The following NAV3 variants were observed in gnomAD, a reference collection of about 807,000 sequenced individuals.
NAV3 encodes the protein pore membrane and/or filament interacting like protein 1.
NAV3 carries 87 observed loss-of-function variants against 244.7 expected under a neutral mutation model. The ratio of observed to expected loss-of-function variants is 0.36; its 90% CI spans 0.30 to 0.42. NAV3 has a LOEUF of 0.42. Ranked by LOEUF, NAV3 falls within the 20% of genes least tolerant of loss-of-function variation. The pLI is 1.00. For missense variants in NAV3, 2,663 were observed against 2,893.3 expected (o/e 0.92, Z 1.83); for synonymous variants, 1,126 against 1,042.2 (o/e 1.08, Z -1.55).
intron 26 of NAV3, 71 bp from the exon 27 acceptor site, chr12:78,177,070 A>G (rs1356449452): frequency 6.4e-6 from 10 of 1,568,308 alleles, no homozygotes; most frequent in Admixed American, 1.7e-5. Context: ...GGCATCTGCA[A>G]ACTAACGCCC....
chr12:77,896,740 C>A (rs1327277341), intron 1 of NAV3, among the ~76,000 whole-genome samples: 1 of 152,144 alleles, frequency 6.6e-6, no homozygotes, highest in Non-Finnish European at 1.5e-5. Flanking sequence ...TCACTCAGCT[C>A]CAGTTGATGG....
At chr12:77,925,781 T>C (rs943426941) in intron 1 of NAV3, among the ~76,000 whole-genome samples, 3 of 152,264 alleles carry the variant, frequency 2.0e-5, no homozygotes, top group African/African-American at 7.2e-5. Flanking sequence ...TACATAATTG[T>C]GTATGAGTGG....
chr12:77,864,450 A>G (rs895272597), intron 1 of NAV3, among the ~76,000 whole-genome samples: 1 of 151,940 alleles, frequency 6.6e-6, no homozygotes, highest in Non-Finnish European at 1.5e-5. Flanking sequence ...CCCTGGTGCA[A>G]TAGGATGTAG....
chr12:77,755,716 T>C (rs1297851582), intron 2 of NAV3, among the ~76,000 whole-genome samples: 1 of 150,512 alleles, frequency 6.6e-6, no homozygotes. Context: ...TTCTTTATTT[T>C]CTTTCTCTCT....
chr12:77,684,352 G>A (rs1268701072), intron 2 of NAV3, among the ~76,000 whole-genome samples: 2 of 151,958 alleles, frequency 1.3e-5, no homozygotes, highest in Non-Finnish European at 2.9e-5. Context: ...CTCAGTTTGT[G>A]GGGCTTGCCT....
intron 12 of NAV3, among the ~76,000 whole-genome samples, chr12:78,068,926 C>A (rs1011284940): frequency 6.6e-6 from 1 of 150,966 alleles, no homozygotes; most frequent in African/African-American, 2.4e-5. Context: ...GAAGTTATAT[C>A]TATACATGAA....
intron 12 of NAV3, among the ~76,000 whole-genome samples, chr12:78,092,730 GA>G (rs1954025039): frequency 6.6e-6 from 1 of 151,964 alleles, no homozygotes; most frequent in Non-Finnish European, 1.5e-5. Flanking sequence ...TCGATCTCCT[GA>G]CCTTGTGATC....
chr12:77,767,193 C>A (rs1869822381), intron 2 of NAV3, among the ~76,000 whole-genome samples: 1 of 152,190 alleles, frequency 6.6e-6, no homozygotes, highest in South Asian at 2.1e-4. Flanking sequence ...TAAGTCTTAA[C>A]TTTGATCTTT....
At chr12:77,655,812 TAAAG>T (rs2137010747) in intron 2 of NAV3, among the ~76,000 whole-genome samples, 1 of 152,066 alleles carries the variant, frequency 6.6e-6, no homozygotes, top group African/African-American at 2.4e-5. Flanking sequence ...TCAACATTCT[TAAAG>T]AAAAGAATTT....
At chr12:77,953,410 T>TAC (rs761891665) in intron 3 of NAV3, among the ~76,000 whole-genome samples, 144 of 152,206 alleles carry the variant, frequency 9.5e-4, no homozygotes, top group Non-Finnish European at 1.6e-3. Flanking sequence ...TGTGTATACA[T>TAC]ACACACACAC....
Position 77,733,834 on chromosome 12 carries a change from A to ATTT in NAV3, c.72+161589_72+161591dup, listed in dbSNP as rs56770236. ...GCAAGCCCTAATTGACTTGGTTTAG[A>ATTT]TTTTTTTTTTTTTTTTTTTTTTTGC... On this transcript the variant is annotated intron_variant, in intron 2 of 8. Coordinates refer to the NAV3 transcript ENST00000550042. 7.5e-3 allele frequency among the ~76,000 whole-genome samples: 930 copies of ATTT among 124,158 alleles called. 21 individuals carry two copies. The highest frequency in any genetic ancestry group is 0.027 in the African/African-American group (875 of 32,288). The allele number at this position is 124,158 out of a possible 152,430, so 81.5% of individuals were successfully genotyped here.
At chr12:78,147,290 A>T (rs888412374) in intron 21 of NAV3, among the ~76,000 whole-genome samples, 1 of 152,102 alleles carries the variant, frequency 6.6e-6, no homozygotes, top group Non-Finnish European at 1.5e-5. Flanking sequence ...AAAGCTTCTA[A>T]CACTGATCAT....
chr12:77,974,807 G>A (rs778141859), intron 5 of NAV3, among the ~76,000 whole-genome samples: 19 of 152,110 alleles, frequency 1.2e-4, no homozygotes, highest in Non-Finnish European at 2.6e-4. Flanking sequence ...GGGTTTTGAA[G>A]AGACCAGATG....
At chr12:77,969,376 A>G (rs1442462807) in intron 5 of NAV3, among the ~76,000 whole-genome samples, 1 of 152,144 alleles carries the variant, frequency 6.6e-6, no homozygotes, top group Non-Finnish European at 1.5e-5. Flanking sequence ...ATGATATATA[A>G]CAAGAGATTT....
chr12:77,804,426 G>A (rs2135980476), intron 2 of NAV3, among the ~76,000 whole-genome samples: 1 of 152,202 alleles, frequency 6.6e-6, no homozygotes, highest in South Asian at 2.1e-4. Context: ...ATTAAATAAG[G>A]AATCATTTCC....
At chr12:77,698,726 C>T (rs747607590) in intron 2 of NAV3, among the ~76,000 whole-genome samples, 1 of 152,070 alleles carries the variant, frequency 6.6e-6, no homozygotes, top group Non-Finnish European at 1.5e-5. Flanking sequence ...GATGAGAATA[C>T]GGTTGAGGTA....
In NAV3 at chr12:77,868,696, C is replaced by A. The variant is rs185008282; in HGVS notation, c.243+36992C>A. On this transcript the variant is annotated intron_variant, in intron 1 of 39. Coordinates refer to ENST00000397909, the MANE Select transcript of NAV3 (RefSeq NM_001024383.2). ...GCTAGAACCTGGGAAATGGAGGTTGCAGTGAGCTGAGATTGGGCCACTGCA... is the reference window on the plus strand; with the variant it reads ...GCTAGAACCTGGGAAATGGAGGTTGAAGTGAGCTGAGATTGGGCCACTGCA... Among the ~76,000 whole-genome samples, 545 of 140,934 alleles carry A rather than the reference C, an allele frequency of 3.9e-3. 3 individuals carry two copies. Among genetic ancestry groups the A allele is most frequent in the African/African-American group, 0.014 (526 of 37,434 alleles). 92.5% of individuals were successfully genotyped at this position (140,934 alleles called of 152,430 possible).
upstream of NAV3, among the ~76,000 whole-genome samples, chr12:77,827,824 A>T (rs1029389241): frequency 2.6e-5 from 4 of 152,220 alleles, no homozygotes; most frequent in Non-Finnish European, 5.9e-5. Flanking sequence ...TTTATAGATG[A>T]TGAAACTGAG....
chr12:78,197,201 G>C (rs1177726425), intron 34 of NAV3, 46 bp from the exon 35 acceptor site: 1 of 1,412,894 alleles, frequency 7.1e-7, no homozygotes, highest in Non-Finnish European at 9.4e-7. Flanking sequence ...CTTCCTATTA[G>C]TATAAATTTA....
Sources: gnomAD v4.1 joint callset for allele counts (sites outside exome capture counted in the v4.1 genomes callset) on GRCh38, gnomAD v4.1.1 for gene constraint, MANE v1.5 for transcripts, NCBI Gene and HGNC (gene_info 2026-07-23, HGNC 2026-07-21) for gene names.